Variants in BTG4 observed in about 807,000 individuals in gnomAD.
BTG4 encodes the protein protein BTG4.
BTG4 carries 10 observed loss-of-function variants against 19.3 expected under a neutral mutation model. That is an observed-to-expected ratio of 0.52 (90% CI 0.32 to 0.88). The LOEUF is 0.88. Among genes scored for constraint, BTG4 ranks in the 40% least tolerant of loss-of-function variants. The pLI is 0.04. For synonymous variants in BTG4, 91 were observed against 95.7 expected, an observed-to-expected ratio of 0.95 and a Z score of 0.29; for missense variants, 238 against 281.9, an observed-to-expected ratio of 0.84 and a Z score of 1.11.
chr11:111,452,135 A>C, the BTG4 span, among the ~76,000 whole-genome samples: 3 of 152,180 alleles, frequency 2.0e-5, no homozygotes, highest in African/African-American at 7.2e-5. Context: ...CACACACAGC[A>C]TTTAGTATCT....
chr11:111,474,944 C>T (rs565238901), intron 5 of BTG4, among the ~76,000 whole-genome samples: 18 of 152,198 alleles, frequency 1.2e-4, no homozygotes, highest in Non-Finnish European at 2.2e-4. Flanking sequence ...TGTAAAGTGC[C>T]TAATCCAGTC....
At chr11:111,426,489 G>T in the BTG4 span, among the ~76,000 whole-genome samples, 1 of 152,190 alleles carries the variant, frequency 6.6e-6, no homozygotes, top group African/African-American at 2.4e-5. Context: ...GATAGGGAAA[G>T]GGGTTTGCAT....
the BTG4 span, among the ~76,000 whole-genome samples, chr11:111,392,323 A>G: frequency 3.3e-5 from 5 of 151,562 alleles, no homozygotes; most frequent in Non-Finnish European, 7.4e-5. Flanking sequence ...GACTACAGGC[A>G]CCCACCACCA....
intron 5 of BTG4, among the ~76,000 whole-genome samples, chr11:111,471,587 G>A (rs147133274): frequency 6.6e-6 from 1 of 151,808 alleles, no homozygotes; most frequent in Non-Finnish European, 1.5e-5. Flanking sequence ...TCTTTTCTCC[G>A]GCCTCTTAAT....
chr11:111,422,302 A>T, the BTG4 span, among the ~76,000 whole-genome samples: 8 of 152,182 alleles, frequency 5.3e-5, no homozygotes, highest in African/African-American at 1.7e-4. Flanking sequence ...GTCCCCAGTA[A>T]GGGCAGAGTG....
At chr11:111,401,351 A>C in the BTG4 span, among the ~76,000 whole-genome samples, 1 of 154 alleles carries the variant, frequency 6.5e-3, no homozygotes, top group African/African-American at 0.062. Flanking sequence ...GGCGTGGTGG[A>C]GGCGCCTGTA....
chr11:111,455,254 C>T, the BTG4 span: 1 of 352,814 alleles, frequency 2.8e-6, no homozygotes, highest in African/African-American at 2.1e-5. Context: ...TTTCTCATCC[C>T]CTTTGCCGCT....
At chr11:111,487,030 G>A (rs1387495492) in intron 5 of BTG4, among the ~76,000 whole-genome samples, 6 of 151,804 alleles carry the variant, frequency 4.0e-5, no homozygotes, top group African/African-American at 1.5e-4. Flanking sequence ...GTGTCCACGT[G>A]TTCTCATTGT....
chr11:111,488,297 C>T (rs1865189765), intron 5 of BTG4, among the ~76,000 whole-genome samples: 3 of 152,106 alleles, frequency 2.0e-5, no homozygotes, highest in Admixed American at 6.5e-5. Flanking sequence ...AGAAATAAGT[C>T]CATGCATTTA....
the BTG4 span, among the ~76,000 whole-genome samples, chr11:111,410,593 T>G: frequency 6.6e-6 from 1 of 152,226 alleles, no homozygotes; most frequent in East Asian, 1.9e-4. Context: ...GTAAGCACTA[T>G]GACCAACTCA....
At chr11:111,456,693 T>C in the BTG4 span, 10 of 376,768 alleles carry the variant, frequency 2.7e-5, no homozygotes, top group Admixed American at 2.5e-4. This position sits in a 1 kb window ranked among gnomAD's most constrained non-coding sequence, Gnocchi z 4.2. Flanking sequence ...ACCTGGGATA[T>C]GATCTGCTGA....
At chr11:111,455,414 AGAGAAGGCCAGCCG>A in the BTG4 span, 1 of 239,178 alleles carries the variant, frequency 4.2e-6, no homozygotes, top group South Asian at 5.5e-5. Flanking sequence ...GGGCTGCAGA[AGAGAAGGCCAGCCG>A]GAGGAGGCAC....
At chr11:111,444,182 G>GGT in the BTG4 span, among the ~76,000 whole-genome samples, 276 of 131,858 alleles carry the variant, frequency 2.1e-3, no homozygotes, top group South Asian at 0.012. Flanking sequence ...TACCCTGAGG[G>GGT]GTGTGTGTGT....
chr11:111,436,906 G>T, the BTG4 span, among the ~76,000 whole-genome samples: 1 of 152,198 alleles, frequency 6.6e-6, no homozygotes, highest in East Asian at 1.9e-4. Flanking sequence ...ATGGCAGACA[G>T]CATGCCCTCC....
rs147113229 is a variant in BTG4, at chr11:111,498,159, G to A, written c.174-24C>T. The stretch of plus-strand genomic sequence containing the variant: ...ACCTTTTTAAAAAGCGAAGGGAAAC[G>A]AAGACATGATGACAGACACTTTAGC... On this transcript the variant is annotated intron_variant, in intron 2 of 4. Coordinates refer to ENST00000692032, the MANE Select transcript of BTG4 (RefSeq NM_001367975.1). The A allele has an allele frequency of 4.0e-4, 642 of 1,612,196 alleles. 4 individuals are homozygous for A. The African/African-American group carries it at 7.4e-3, about 19-fold the overall frequency.
At chr11:111,477,914 A>C (rs1864492391) in intron 5 of BTG4, among the ~76,000 whole-genome samples, 1 of 152,160 alleles carries the variant, frequency 6.6e-6, no homozygotes, top group African/African-American at 2.4e-5. Context: ...CTAGAGCTCC[A>C]TCTTTGCCAG....
intron 5 of BTG4, among the ~76,000 whole-genome samples, chr11:111,478,371 G>A (rs1864521966): frequency 6.6e-6 from 1 of 152,088 alleles, no homozygotes; most frequent in Non-Finnish European, 1.5e-5. Flanking sequence ...TCCCCCACTG[G>A]AATAGGGTCA....
the BTG4 span, among the ~76,000 whole-genome samples, chr11:111,398,462 GT>G: frequency 4.0e-5 from 6 of 150,454 alleles, no homozygotes; most frequent in Middle Eastern, 3.2e-3. Context: ...TCTTTTTTTT[GT>G]TTTTTTTTGA....
chr11:111,439,439 C>A, the BTG4 span, among the ~76,000 whole-genome samples: 2 of 152,032 alleles, frequency 1.3e-5, no homozygotes, highest in African/African-American at 4.8e-5. Context: ...CAGGAGAAGA[C>A]ACCAGCCCAA....
Sources: allele counts gnomAD v4.1 joint callset (sites outside exome capture counted in the v4.1 genomes callset), GRCh38; gene constraint gnomAD v4.1.1; non-coding constraint Gnocchi (gnomAD v3.1); transcripts MANE v1.5; gene names NCBI Gene and HGNC (gene_info 2026-07-23, HGNC 2026-07-21).